The following SCNM1 variants were observed in gnomAD, a reference collection of about 807,000 sequenced individuals.
The protein encoded by SCNM1 is sodium channel modifier 1.
SCNM1 carries 24 observed loss-of-function variants against 32.8 expected under a neutral mutation model. The ratio of observed to expected loss-of-function variants is 0.73; its 90% CI spans 0.53 to 1.03. SCNM1 has a LOEUF of 1.03. Ranked by LOEUF, SCNM1 falls within the 50% of genes least tolerant of loss-of-function variation. The probability of loss-of-function intolerance (pLI) is 0.00; values close to 1 mark genes in which losing one functional copy is unlikely to be tolerated. For missense variants in SCNM1, 274 were observed against 282.3 expected, an observed-to-expected ratio of 0.97 and a Z score of 0.21; for synonymous variants, 99 against 103.2, an observed-to-expected ratio of 0.96 and a Z score of 0.25.
intron 5 of SCNM1, 199 bp downstream of exon 5, chr1:151,167,613 C>G: frequency 3.3e-6 from 2 of 615,114 alleles, no homozygotes; most frequent in South Asian, 3.6e-5. Context: ...GGGTGGATCA[C>G]TTGAGGTCAG....
rs1683756359 is a variant in SCNM1 at position 151,167,383 on chromosome 1, C to A, written c.367C>A (p.His123Asn). 2.5e-6 allele frequency: 4 copies of A among 1,614,050 alleles called. No homozygotes were observed. The highest frequency in any genetic ancestry group is 1.6e-4 in the Middle Eastern group (1 of 6,084). ...CCAGAGTGCTCTGCACAGAGCTCCC[C>A]ACTATAACAGTTGCTGCCGCCGGAA... ...ITQSALHRAP[H>N]YNSCCRRKYR... Residue 123 changes from histidine to asparagine, a missense_variant, in exon 5 of 7, where the codon CAC (histidine) becomes AAC (asparagine). Coordinates refer to ENST00000368905, the MANE Select transcript of SCNM1 (RefSeq NM_024041.4).
intron 6 of SCNM1, among the ~76,000 whole-genome samples, 187 bp from the exon 7 acceptor site, chr1:151,168,790 CTTTTTTTTT>C (rs147127258): frequency 2.5e-5 from 1 of 40,376 alleles, no homozygotes; most frequent in African/African-American, 1.1e-4. Flanking sequence ...TCACTGCTAA[CTTTTTTTTT>C]TTTTTTTTTT....
Position 151,169,088 on chromosome 1 carries a change from C to T in SCNM1, c.*3C>T. On this transcript the variant is annotated 3_prime_UTR_variant, in exon 7 of 7. Coordinates refer to ENST00000368905, the MANE Select transcript of SCNM1 (RefSeq NM_024041.4). ...CACCTGATCTCCCCTTGGACTGATA[C>T]CCTTTTCCCATTCATTCACAAATAA... 6.2e-7 allele frequency: 1 copy of T among 1,613,968 alleles called. No individual in the cohort carries two copies. Among genetic ancestry groups the T allele is most frequent in the Non-Finnish European group, 8.5e-7 (1 of 1,179,982 alleles).
Position 151,168,982 on chromosome 1 carries a change from C to G in SCNM1, c.594-4C>G, listed in dbSNP as rs1683851774. 3.7e-6 allele frequency: 6 copies of G among 1,613,792 alleles called. No homozygotes were observed. The highest frequency in any genetic ancestry group is 3.4e-6 in the Non-Finnish European group (4 of 1,179,954). ...ATCGATGCTATTTTCTCTGATGTTT[C>G]CAGCTCTGGATGGATCCCAGATGGA... On this transcript the variant is annotated splice_region_variant and splice_polypyrimidine_tract_variant and intron_variant, in intron 6 of 6. Coordinates refer to ENST00000368905, the MANE Select transcript of SCNM1 (RefSeq NM_024041.4).
Position 151,167,164 on chromosome 1 carries a change from A to C in SCNM1, c.255A>C (p.Arg85Ser). 1 of 1,614,232 alleles carries C rather than the reference A, an allele frequency of 6.2e-7. No homozygotes were observed. The highest frequency in any genetic ancestry group is 8.5e-7 in the Non-Finnish European group (1 of 1,180,042). Residue 85 changes from arginine to serine, a missense_variant, in exon 4 of 7, where the codon AGA (arginine) becomes AGC (serine). Transcript: ENST00000368905. ...GCAAGAAGCAGCCGGGAAAGGAAAG[A>C]AAGCAGAATCCAAAACATCAGAATG... is the stretch of plus-strand genomic sequence containing the variant. The part of the protein sequence containing the change: ...FYGKKQPGKE[R>S]KQNPKHQNEL...
intron 1 of SCNM1, 126 bp downstream of exon 1, chr1:151,166,329 G>A (rs1683698758): frequency 6.5e-7 from 1 of 1,536,638 alleles, no homozygotes; most frequent in Non-Finnish European, 8.8e-7. Flanking sequence ...TTAGAGCTGT[G>A]TAGTGACTCC....
Position 151,166,504 on chromosome 1 carries a change from A to C in SCNM1, c.85A>C (p.Ile29Leu), listed in dbSNP as rs1422414613. 6.2e-7 allele frequency: 1 copy of C among 1,614,066 alleles called. No homozygotes were observed. The change falls in exon 2 of 7, where the codon ATT becomes CTT. Residue 29 changes from isoleucine (I) to leucine (L), a missense_variant. By Grantham distance (5) the Ile-to-Leu change is conservative. Transcript: ENST00000368905. ...RRVGDLLASY[I>L]PEDEALMLRD... ...AGTCGGGGACCTCCTAGCCAGTTACATTCCAGAGGATGAGGCGCTGATGCT... is the reference window on the plus strand; with the variant it reads ...AGTCGGGGACCTCCTAGCCAGTTACCTTCCAGAGGATGAGGCGCTGATGCT...
At chr1:151,168,422 T>C in intron 6 of SCNM1, 84 bp downstream of exon 6, 1 of 1,477,902 alleles carries the variant, frequency 6.8e-7, no homozygotes, top group Non-Finnish European at 8.9e-7. Context: ...CTTTTTTTTT[T>C]TTTGAGATGG....
At chr1:151,168,891 GC>G in intron 6 of SCNM1, 94 bp from the exon 7 acceptor site, 1 of 1,338,434 alleles carries the variant, frequency 7.5e-7, no homozygotes, top group Non-Finnish European at 1.0e-6. Context: ...ACCTGCCTCG[GC>G]CTCCCAGAGT....
At position 151,167,562 on chromosome 1, in the gene SCNM1, T is replaced by C. The variant is rs1015226042; in HGVS notation, c.398+148T>C. ...AAAGGAGAATTTTGGCTGGGCGCGG[T>C]GACTCACGCCTGTAATCCCAGCACT... On this transcript the variant is annotated intron_variant, in intron 5 of 6. Coordinates refer to ENST00000368905, the MANE Select transcript of SCNM1 (RefSeq NM_024041.4). 3 of 1,084,024 alleles carry C rather than the reference T, an allele frequency of 2.8e-6. No individual in the cohort carries two copies. In the Admixed American group the frequency reaches 6.0e-5, roughly 22 times the overall value. 67.2% of individuals were successfully genotyped at this position (1,084,024 alleles called of 1,614,324 possible). A position where few individuals can be genotyped will look rare whatever the true frequency, so the allele number is the denominator to read the frequency against.
Position 151,169,159 on chromosome 1 carries a change from T to C in SCNM1, c.*74T>C. The C allele has an allele frequency of 6.4e-7, 1 of 1,560,816 alleles. No homozygotes were observed. The highest frequency in any genetic ancestry group is 1.1e-5 in the South Asian group (1 of 88,586). ...CTTAACTTTCCTTAAGTCTGGTTCC[T>C]TGTTGGATCTCAGGATTTCAGATCT... On this transcript the variant is annotated 3_prime_UTR_variant, in exon 7 of 7. Coordinates refer to ENST00000368905, the MANE Select transcript of SCNM1 (RefSeq NM_024041.4).
intron 6 of SCNM1, among the ~76,000 whole-genome samples, chr1:151,168,569 C>A (rs587598825): frequency 6.8e-6 from 1 of 147,778 alleles, no homozygotes; most frequent in Non-Finnish European, 1.5e-5. Flanking sequence ...CCATCACGCC[C>A]GGCTAATTTT....
intron 5 of SCNM1, 59 bp downstream of exon 5, chr1:151,167,473 G>C: frequency 6.3e-7 from 1 of 1,590,006 alleles, no homozygotes; most frequent in African/African-American, 1.3e-5. Context: ...GGCTCTAAAA[G>C]AGTTTTCCAG....
At chr1:151,166,348 T>C (rs1377291042) in intron 1 of SCNM1, 123 bp from the exon 2 acceptor site, 90 of 1,540,014 alleles carry the variant, frequency 5.8e-5, no homozygotes, top group Non-Finnish European at 7.6e-5. Context: ...CCTTTTTCGG[T>C]CTATGATCGC....
At chr1:151,167,949 G>A (rs1683784459) in intron 5 of SCNM1, 195 bp from the exon 6 acceptor site, 1 of 552,940 alleles carries the variant, frequency 1.8e-6, no homozygotes, top group Admixed American at 3.4e-5. Flanking sequence ...ACTATACAAA[G>A]TCTTAAGATT....
chr1:151,168,305 G>T lies in SCNM1; in HGVS notation c.560G>T (p.Arg187Ile), dbSNP rs1232210725. 1 of 1,613,648 alleles carries T rather than the reference G, an allele frequency of 6.2e-7. No individual in the cohort carries two copies. The highest frequency in any genetic ancestry group is 8.5e-7 in the Non-Finnish European group (1 of 1,179,804). Reference protein sequence around the residue: ...SAPAPMSPTRRRALDHYLTLR... With the variant: ...SAPAPMSPTRIRALDHYLTLR... ...CCTGCACCCATGAGCCCCACAAGAA[G>T]ACGAGCCCTGGACCATTATCTCACC... The change falls in exon 6 of 7, where the codon AGA (arginine) becomes ATA (isoleucine). Residue 187 changes from arginine (R) to isoleucine (I), a missense_variant. Arg to Ile is a moderately conservative substitution (Grantham distance 97). Coordinates refer to ENST00000368905, the MANE Select transcript of SCNM1 (RefSeq NM_024041.4).
chr1:151,169,088 C>A lies in SCNM1; in HGVS notation c.*3C>A, dbSNP rs1412610092. ...CACCTGATCTCCCCTTGGACTGATA[C>A]CCTTTTCCCATTCATTCACAAATAA... is the stretch of plus-strand genomic sequence containing the variant. On this transcript the variant is annotated 3_prime_UTR_variant, in exon 7 of 7. Coordinates refer to ENST00000368905, the MANE Select transcript of SCNM1 (RefSeq NM_024041.4). The A allele has an allele frequency of 1.2e-6, 2 of 1,613,850 alleles. No individual in the cohort carries two copies. Among genetic ancestry groups the A allele is most frequent in the African/African-American group, 1.3e-5 (1 of 74,848 alleles).
At position 151,166,936 on chromosome 1, in the gene SCNM1, T is replaced by C; in HGVS notation, c.125T>C (p.Phe42Ser). 1 of 1,614,038 alleles carries C rather than the reference T, an allele frequency of 6.2e-7. No homozygotes were observed. ...TCCTCTTCTCTACCCCTGCTCAGCT[T>C]TGCTTGTGCCATCTGCCCCCATCGA... Reference protein sequence around the residue: ...DEALMLRDGRFACAICPHRPV... With the variant: ...DEALMLRDGRSACAICPHRPV... The change falls in exon 3 of 7, where the codon TTT becomes TCT. Residue 42 changes from phenylalanine to serine, a missense_variant and splice_region_variant. Transcript: ENST00000368905.
At position 151,169,894 on chromosome 1, in the gene SCNM1, G is replaced by A. The variant is rs2101708509; in HGVS notation, c.*809G>A. The A allele has an allele frequency of 1.6e-6, 1 of 636,794 alleles. No individual in the cohort carries two copies. Among genetic ancestry groups the A allele is most frequent in the East Asian group, 2.8e-5 (1 of 35,150 alleles). The allele number at this position is 636,794 out of a possible 1,614,324, so 39.4% of individuals were successfully genotyped here. A position where few individuals can be genotyped will look rare whatever the true frequency, so the allele number is the denominator to read the frequency against. On this transcript the variant is annotated 3_prime_UTR_variant, in exon 7 of 7. Transcript: ENST00000368905. ...GAACCTCCCTGCCTGCTGATCCCCA[G>A]AGTATAAATAATCCCCTGGTGAACT...
Sources: gnomAD v4.1 joint callset for allele counts (sites outside exome capture counted in the v4.1 genomes callset) on GRCh38, gnomAD v4.1.1 for gene constraint, MANE v1.5 for transcripts, NCBI Gene and HGNC (gene_info 2026-07-23, HGNC 2026-07-21) for gene names.